Variants in GLT1D1 observed in about 807,000 individuals in gnomAD.
GLT1D1 encodes the protein glycosyltransferase 1 domain containing 1.
Under a neutral mutation model 28.7 loss-of-function variants are expected in GLT1D1, and 21 were observed. The observed-to-expected ratio is 0.73, with a 90% CI of 0.52 to 1.05. The LOEUF is 1.05. Among genes scored for constraint, GLT1D1 ranks in the 50% least tolerant of loss-of-function variants. The probability of loss-of-function intolerance (pLI) is 0.00; values close to 1 mark genes in which losing one functional copy is unlikely to be tolerated. For missense variants in GLT1D1, 343 were observed against 330.6 expected, an observed-to-expected ratio of 1.04 and a Z score of -0.29; for synonymous variants, 147 against 124.8, an observed-to-expected ratio of 1.18 and a Z score of -1.19.
intron 1 of GLT1D1, among the ~76,000 whole-genome samples, chr12:128,870,443 A>G (rs558437063): frequency 6.6e-6 from 1 of 152,214 alleles, no homozygotes; most frequent in Non-Finnish European, 1.5e-5. Context: ...CAAAATCTCT[A>G]TGGGAGATGC....
At position 128,939,849 on chromosome 12, in the gene GLT1D1, C is replaced by A. The variant is rs977322284; in HGVS notation, c.376-5477C>A. ...CAAATTGTTAGAAACCCCCCCCCAC[C>A]GCCGATCCAATCACCTCCTACCAGG... On this transcript the variant is annotated intron_variant, in intron 4 of 7. Transcript: ENST00000281703. Among the ~76,000 whole-genome samples the A allele has an allele frequency of 2.3e-4, 32 of 140,322 alleles. 1 individual carries two copies. The highest frequency in any genetic ancestry group is 3.8e-4 in the Non-Finnish European group (24 of 63,220). 92.1% of individuals were successfully genotyped at this position (140,322 alleles called of 152,430 possible). A position where few individuals can be genotyped will look rare whatever the true frequency, so the allele number is the denominator to read the frequency against.
intron 4 of GLT1D1, among the ~76,000 whole-genome samples, chr12:128,933,346 G>C (rs1224984704): frequency 6.6e-6 from 1 of 152,260 alleles, no homozygotes; most frequent in Non-Finnish European, 1.5e-5. Context: ...AGGCGCACAC[G>C]CATGCGCACG....
chr12:128,879,370 T>A (rs1566096123), intron 2 of GLT1D1, among the ~76,000 whole-genome samples: 1 of 123,006 alleles, frequency 8.1e-6, no homozygotes, highest in African/African-American at 3.5e-5. Flanking sequence ...TACTTATTAT[T>A]TTTTTCTTTT....
At chr12:128,880,052 A>C (rs574240797) in intron 2 of GLT1D1, among the ~76,000 whole-genome samples, 2 of 152,368 alleles carry the variant, frequency 1.3e-5, no homozygotes, top group African/African-American at 4.8e-5. Flanking sequence ...CTGTGGGTCA[A>C]AGGGCTGTGT....
intron 7 of GLT1D1, among the ~76,000 whole-genome samples, chr12:128,979,752 C>CAA (rs34461083): frequency 0.017 from 2,487 of 146,024 alleles, 77 homozygotes; most frequent in African/African-American, 0.059. Flanking sequence ...GACTCTGTCT[C>CAA]AAAAAAAAAA....
intron 4 of GLT1D1, among the ~76,000 whole-genome samples, chr12:128,902,184 A>C (rs543688366): frequency 4.0e-5 from 6 of 151,546 alleles, no homozygotes; most frequent in Non-Finnish European, 7.4e-5. Flanking sequence ...CTTTAATATA[A>C]CTGAGTATGA....
rs374597920 is a variant in GLT1D1, at chr12:128,956,171, A to AAAAGAG, written c.541-1373_541-1372insAAGAGA. On this transcript the variant is annotated intron_variant, in intron 6 of 7. Coordinates refer to ENST00000281703, the MANE Select transcript of GLT1D1 (RefSeq NM_144669.3). ...GAGACTCCATCTCAAAAAAAAAAAA[A>AAAAGAG]AGAGAAAGAGAGAAAGAAAGAAAGA... Among the ~76,000 whole-genome samples, 3 of 63,942 alleles carry AAAAGAG rather than the reference A, an allele frequency of 4.7e-5. 1 individual carries two copies. Among genetic ancestry groups the AAAAGAG allele is most frequent in the Non-Finnish European group, 1.1e-4 (3 of 28,334 alleles). The allele number at this position is 63,942 out of a possible 152,430, so 41.9% of individuals were successfully genotyped here. A position where few individuals can be genotyped will look rare whatever the true frequency, so the allele number is the denominator to read the frequency against.
chr12:128,959,413 G>GAGT (rs58597574), intron 7 of GLT1D1, among the ~76,000 whole-genome samples: 1 of 87,274 alleles, frequency 1.1e-5, no homozygotes, highest in Non-Finnish European at 2.4e-5. Flanking sequence ...TGAGGCAGTG[G>GAGT]GGGGGGACGG....
At chr12:128,960,763 TA>T (rs113496068) in intron 7 of GLT1D1, among the ~76,000 whole-genome samples, 72 of 147,122 alleles carry the variant, frequency 4.9e-4, no homozygotes, top group East Asian at 3.6e-3. Context: ...GCTGGGTATC[TA>T]AAAAAAAAAA....
chr12:128,865,403 A>G (rs1347032493), intron 1 of GLT1D1, among the ~76,000 whole-genome samples: 1 of 152,222 alleles, frequency 6.6e-6, no homozygotes, highest in African/African-American at 2.4e-5. Flanking sequence ...TACATTGTGG[A>G]ATGATTATAT....
chr12:128,904,823 G>A (rs980376200), intron 4 of GLT1D1, among the ~76,000 whole-genome samples: 1 of 151,984 alleles, frequency 6.6e-6, no homozygotes, highest in Non-Finnish European at 1.5e-5. Context: ...GAATAGAGAT[G>A]GGGTTTCACC....
chr12:128,979,081 C>A, intron 7 of GLT1D1, among the ~76,000 whole-genome samples: 1 of 152,236 alleles, frequency 6.6e-6, no homozygotes, highest in Non-Finnish European at 1.5e-5. Flanking sequence ...TGCAGCCCAG[C>A]AGGTCTCAGC....
intron 4 of GLT1D1, among the ~76,000 whole-genome samples, 166 bp downstream of exon 4, chr12:128,899,453 C>A (rs895492277): frequency 1.3e-5 from 2 of 151,034 alleles, no homozygotes; most frequent in African/African-American, 4.9e-5. Context: ...TGTGTAGATG[C>A]ACCTAAAACG....
chr12:128,888,580 G>A (rs1868661910), intron 2 of GLT1D1, 59 bp from the exon 3 acceptor site: 12 of 1,092,030 alleles, frequency 1.1e-5, no homozygotes, highest in Admixed American at 2.0e-5. Context: ...GCTTGGGAAT[G>A]GTTGGTGAAG....
chr12:128,875,659 G>A (rs780782780), intron 1 of GLT1D1, among the ~76,000 whole-genome samples: 21 of 152,040 alleles, frequency 1.4e-4, no homozygotes, highest in Non-Finnish European at 2.2e-4. Flanking sequence ...TTAGCCAGGC[G>A]TAGTGGTGCA....
At chr12:128,874,059 CCTTTCTTTCTTTCTTT>C (rs1194476491) in intron 1 of GLT1D1, among the ~76,000 whole-genome samples, 1 of 34,694 alleles carries the variant, frequency 2.9e-5, no homozygotes, top group Non-Finnish European at 4.5e-5. Context: ...CTCCCTCCCT[CCTTTCTTTCTTTCTTT>C]CTTTCTTTCT....
intron 7 of GLT1D1, among the ~76,000 whole-genome samples, chr12:128,963,847 C>A (rs549910377): frequency 6.6e-6 from 1 of 152,142 alleles, no homozygotes; most frequent in Non-Finnish European, 1.5e-5. Flanking sequence ...GTGGGTGGTG[C>A]GCAGATGGCA....
chr12:128,941,796 G>A (rs890507690), intron 4 of GLT1D1, among the ~76,000 whole-genome samples: 1 of 151,070 alleles, frequency 6.6e-6, no homozygotes, highest in Non-Finnish European at 1.5e-5. Context: ...CAGCAGGCGG[G>A]TCTCGAACTC....
intron 4 of GLT1D1, among the ~76,000 whole-genome samples, chr12:128,940,070 TTTGTA>T (rs990062946): frequency 1.3e-5 from 2 of 151,972 alleles, no homozygotes; most frequent in Non-Finnish European, 2.9e-5. Context: ...ATAGATGTAT[TTTGTA>T]TTGTATTGTA....
Sources: gnomAD v4.1 joint callset for allele counts (sites outside exome capture counted in the v4.1 genomes callset) on GRCh38, gnomAD v4.1.1 for gene constraint, MANE v1.5 for transcripts, NCBI Gene and HGNC (gene_info 2026-07-23, HGNC 2026-07-21) for gene names.